The following GIT2 variants were observed in gnomAD, a reference collection of about 807,000 sequenced individuals.
GIT2 encodes ARF GTPase-activating protein GIT2.
GIT2 carries 32 observed loss-of-function variants against 100.3 expected under a neutral mutation model. The ratio of observed to expected loss-of-function variants is 0.32; its 90% CI spans 0.24 to 0.43. GIT2 has a LOEUF of 0.43. GIT2 is among the 20% of genes least tolerant of loss of function. The pLI is 1.00. For synonymous variants in GIT2, 353 were observed against 364.1 expected (o/e 0.97, Z 0.35); for missense variants, 737 against 975.1 (o/e 0.76, Z 3.25).
At chr12:109,970,522 A>C (rs961208482) in intron 7 of GIT2, among the ~76,000 whole-genome samples, 4 of 152,106 alleles carry the variant, frequency 2.6e-5, no homozygotes, top group African/African-American at 9.7e-5. Flanking sequence ...ACAACAACAA[A>C]AAACTATCCT....
At chr12:109,956,650 A>T (rs1308449986) in intron 12 of GIT2, among the ~76,000 whole-genome samples, 1 of 152,150 alleles carries the variant, frequency 6.6e-6, no homozygotes, top group Non-Finnish European at 1.5e-5. Context: ...CATGTGGTAT[A>T]CTCACTTGTA....
At chr12:109,944,923 T>C (rs112565354) in intron 16 of GIT2, among the ~76,000 whole-genome samples, 3,496 of 152,136 alleles carry the variant, frequency 0.023, 128 homozygotes, top group African/African-American at 0.08. Context: ...TTGAACAAAT[T>C]TGGCCTATTA....
chr12:109,958,969 T>TA (rs1347189817), intron 12 of GIT2, among the ~76,000 whole-genome samples: 1 of 152,192 alleles, frequency 6.6e-6, no homozygotes, highest in Admixed American at 6.5e-5. Context: ...TGAAGACATT[T>TA]AAAGTTTATG....
intron 7 of GIT2, among the ~76,000 whole-genome samples, chr12:109,970,229 C>T (rs1445238286): frequency 3.3e-5 from 5 of 152,132 alleles, no homozygotes; most frequent in Admixed American, 6.6e-5. Context: ...TGCAGTGGCT[C>T]ATGCCTGTAA....
chr12:109,965,851 T>C (rs919529640), intron 8 of GIT2: 36 of 575,828 alleles, frequency 6.3e-5, no homozygotes, highest in Admixed American at 1.1e-4. Flanking sequence ...CAGGTTACCT[T>C]CCAGGCCCTT....
chr12:109,991,895 G>A, intron 1 of GIT2, 135 bp from the exon 2 acceptor site: 1 of 691,544 alleles, frequency 1.4e-6, no homozygotes, highest in East Asian at 2.7e-5. Flanking sequence ...AATGCATCAG[G>A]CTGGTCATCT....
chr12:109,970,286 G>A (rs1883530507), intron 7 of GIT2, among the ~76,000 whole-genome samples: 2 of 152,010 alleles, frequency 1.3e-5, no homozygotes, highest in Admixed American at 6.5e-5. Context: ...GAGGTCAGGC[G>A]ACCAACACCA....
upstream of GIT2, among the ~76,000 whole-genome samples, chr12:109,997,204 CAAAAAA>C (rs35732772): frequency 6.9e-5 from 3 of 43,330 alleles, no homozygotes; most frequent in African/African-American, 1.6e-4. Context: ...GACTCCGTCT[CAAAAAA>C]AAAAAAAAAA....
intron 16 of GIT2, among the ~76,000 whole-genome samples, chr12:109,943,771 C>T (rs979208339): frequency 2.0e-5 from 3 of 151,232 alleles, no homozygotes; most frequent in South Asian, 2.1e-4. Flanking sequence ...ACTGCAGCCT[C>T]GATCTCTCAT....
At chr12:109,969,162 C>CTTTTTTTTTT (rs71079595) in intron 7 of GIT2, among the ~76,000 whole-genome samples, 1 of 89,134 alleles carries the variant, frequency 1.1e-5, no homozygotes, top group African/African-American at 4.7e-5. Context: ...AAAACTTTTC[C>CTTTTTTTTTT]TTTTTTTTTT....
At chr12:109,972,362 T>G (rs1300111399) in intron 7 of GIT2, among the ~76,000 whole-genome samples, 4 of 152,232 alleles carry the variant, frequency 2.6e-5, no homozygotes, top group Non-Finnish European at 5.9e-5. Flanking sequence ...TAAGAGTTTT[T>G]TTAAAACATG....
At position 109,947,725 on chromosome 12, in the gene GIT2, C is replaced by G. The variant is rs1356785725; in HGVS notation, c.1393-221G>C. ...GTAAGCAAATTAAATAGCTTCATTT[C>G]TGAATGTGGAAAAGTTGTGGTTTGG... On this transcript the variant is annotated intron_variant, in intron 14 of 19. Coordinates refer to ENST00000355312, the MANE Select transcript of GIT2 (RefSeq NM_057169.5). This position sits in a 1 kb window ranked among gnomAD's most constrained non-coding sequence, Gnocchi z 4.3. The G allele has an allele frequency of 7.7e-6, 4 of 521,832 alleles. No individual in the cohort carries two copies. The highest frequency in any genetic ancestry group is 1.4e-5 in the Non-Finnish European group (4 of 293,802). 32.3% of individuals were successfully genotyped at this position (521,832 alleles called of 1,614,324 possible). A position where few individuals can be genotyped will look rare whatever the true frequency, so the allele number is the denominator to read the frequency against.
intron 2 of GIT2, among the ~76,000 whole-genome samples, chr12:109,990,933 T>C (rs533347862): frequency 5.3e-5 from 8 of 152,314 alleles, no homozygotes; most frequent in Non-Finnish European, 7.4e-5. Flanking sequence ...CTAAAAATAT[T>C]AGCAGGTACT....
At chr12:109,985,806 T>A (rs754340720) in intron 4 of GIT2, among the ~76,000 whole-genome samples, 6 of 151,648 alleles carry the variant, frequency 4.0e-5, no homozygotes, top group Non-Finnish European at 8.8e-5. Context: ...TGAGCCGAGA[T>A]CGTGCCACTG....
chr12:109,942,469 G>T (rs1875066295), intron 16 of GIT2, among the ~76,000 whole-genome samples: 1 of 151,974 alleles, frequency 6.6e-6, no homozygotes, highest in African/African-American at 2.4e-5. Flanking sequence ...AAGTAGCTGG[G>T]ACTACAGGCA....
upstream of GIT2, chr12:109,997,706 G>T (rs1889648348): frequency 6.6e-6 from 1 of 152,144 alleles, no homozygotes; most frequent in Non-Finnish European, 1.5e-5. Context: ...ACACCTGCTG[G>T]ATAGTAACCC....
Position 109,947,219 on chromosome 12 carries a change from T to TA in GIT2, c.1641+36dup, listed in dbSNP as rs762395647. 2 of 1,590,904 alleles carry TA rather than the reference T, an allele frequency of 1.3e-6. No homozygotes were observed. The highest frequency in any genetic ancestry group is 1.7e-6 in the Non-Finnish European group (2 of 1,165,344). The stretch of plus-strand genomic sequence containing the variant: ...GAGGGAACAGAGTAGACAGGCTGCA[T>TA]AGAGTGAACAGCAGAAGCGCCAGTG... On this transcript the variant is annotated intron_variant, in intron 15 of 19. Transcript: ENST00000355312. This position sits in a 1 kb window ranked among gnomAD's most constrained non-coding sequence, Gnocchi z 4.3.
At chr12:109,992,662 T>C (rs567369464) in intron 1 of GIT2, among the ~76,000 whole-genome samples, 2 of 152,154 alleles carry the variant, frequency 1.3e-5, no homozygotes, top group South Asian at 4.1e-4. Context: ...TGTCCATGAA[T>C]TGGTTTGTTT....
At chr12:109,977,571 C>T (rs1885364359) in intron 7 of GIT2, among the ~76,000 whole-genome samples, 2 of 151,878 alleles carry the variant, frequency 1.3e-5, no homozygotes, top group East Asian at 3.9e-4. Flanking sequence ...TGCCTGCAGT[C>T]CCAGCCCTTT....
Sources: allele counts gnomAD v4.1 joint callset (sites outside exome capture counted in the v4.1 genomes callset), GRCh38; gene constraint gnomAD v4.1.1; non-coding constraint Gnocchi (gnomAD v3.1); transcripts MANE v1.5; gene names NCBI Gene and HGNC (gene_info 2026-07-23, HGNC 2026-07-21).